PIP5KL1: variants seen among roughly 807,000 people sequenced by gnomAD.
PIP5KL1 encodes the protein phosphatidylinositol-4-phosphate 5-kinase like 1, also known as phosphatidylinositol 4-phosphate 5-kinase-like protein 1.
Under a neutral mutation model 47.6 loss-of-function variants are expected in PIP5KL1, and 45 were observed. The ratio of observed to expected loss-of-function variants is 0.94; its 90% CI spans 0.74 to 1.21. The LOEUF (loss-of-function observed/expected upper bound fraction) is 1.21. Among genes scored for constraint, PIP5KL1 ranks in the 50% most tolerant of loss-of-function variants. The pLI is 0.00. For synonymous variants in PIP5KL1, 256 were observed against 234.6 expected (o/e 1.09, Z -0.84); for missense variants, 577 against 547.6 (o/e 1.05, Z -0.54).
chr9:127,926,785 T>C (rs1831368193), intron 7 of PIP5KL1, among the ~76,000 whole-genome samples: 1 of 152,098 alleles, frequency 6.6e-6, no homozygotes, highest in South Asian at 2.1e-4. Flanking sequence ...AACCTGTGGG[T>C]AGAGTCAGCG....
At position 127,929,030 on chromosome 9, in the gene PIP5KL1, G is replaced by A. The variant is rs1683709356; in HGVS notation, c.229-547C>T. On this transcript the variant is annotated intron_variant, in intron 2 of 9. Transcript: ENST00000388747. This position sits in a 1 kb window ranked among gnomAD's most constrained non-coding sequence, Gnocchi z 4.0. ...TGAGGGAGGGATGGAGTGTGAACAA[G>A]GCTGGATGCAGCTGGATCTGGAGGT... Among the ~76,000 whole-genome samples, 2 of 152,250 alleles carry A rather than the reference G, an allele frequency of 1.3e-5. No individual in the cohort carries two copies. Among genetic ancestry groups the A allele is most frequent in the Admixed American group, 1.3e-4 (2 of 15,292 alleles).
chr9:127,928,255 C>T (rs537071828), intron 3 of PIP5KL1, 36 bp from the exon 4 acceptor site: 4 of 1,527,276 alleles, frequency 2.6e-6, no homozygotes, highest in Non-Finnish European at 3.5e-6. Flanking sequence ...GGAGTGTCTG[C>T]GTGGGCCCGG....
chr9:127,924,931 C>T (rs967044718), intron 9 of PIP5KL1, among the ~76,000 whole-genome samples, 176 bp downstream of exon 9: 1 of 151,904 alleles, frequency 6.6e-6, no homozygotes, highest in African/African-American at 2.4e-5. Flanking sequence ...CACACGCATG[C>T]ATGCACTCAC....
chr9:127,928,264 G>C (rs777112748), intron 3 of PIP5KL1, 45 bp from the exon 4 acceptor site: 14 of 1,529,466 alleles, frequency 9.2e-6, no homozygotes, highest in South Asian at 8.5e-5. Context: ...GCGTGGGCCC[G>C]GGTGTGTGCA....
intron 9 of PIP5KL1, 59 bp downstream of exon 9, chr9:127,925,048 T>G: frequency 6.3e-7 from 1 of 1,590,168 alleles, no homozygotes; most frequent in Non-Finnish European, 8.6e-7. Context: ...TGCCCCCATG[T>G]CTGTCTTTCC....
rs1213891916 is a variant in PIP5KL1 at position 127,927,444 on chromosome 9, G to A, written c.560-113C>T. The A allele has an allele frequency of 2.5e-5, 38 of 1,500,952 alleles. No homozygotes were observed. Among genetic ancestry groups the A allele is most frequent in the Non-Finnish European group, 3.4e-5 (38 of 1,126,776 alleles). The allele number at this position is 1,500,952 out of a possible 1,614,324, so 93.0% of individuals were successfully genotyped here. A position where few individuals can be genotyped will look rare whatever the true frequency, so the allele number is the denominator to read the frequency against. On this transcript the variant is annotated intron_variant, in intron 5 of 9. Transcript: ENST00000388747. The surrounding 1 kb of genome is among the most constrained non-coding windows in gnomAD (Gnocchi z 5.5). Reference sequence around the variant, plus strand: ...TCCTTCTCAAGATCCGCGGCACCTGGACCCTTCCTTGGCTGGTCCGGATCC... The same window carrying A: ...TCCTTCTCAAGATCCGCGGCACCTGAACCCTTCCTTGGCTGGTCCGGATCC...
Position 127,929,980 on chromosome 9 carries a change from C to T in PIP5KL1, c.31-95G>A, listed in dbSNP as rs1266057553. 2.7e-6 allele frequency: 3 copies of T among 1,122,542 alleles called. No individual in the cohort carries two copies. The highest frequency in any genetic ancestry group is 3.7e-6 in the Non-Finnish European group (3 of 815,666). 69.5% of individuals were successfully genotyped at this position (1,122,542 alleles called of 1,614,324 possible). ...CACTTCCACTACTTGTGAGACTTCC[C>T]CTCATCTCTCTCTGCCTCAATTTCT... On this transcript the variant is annotated intron_variant, in intron 1 of 9. Coordinates refer to ENST00000388747, the MANE Select transcript of PIP5KL1 (RefSeq NM_001135219.2). This position sits in a 1 kb window ranked among gnomAD's most constrained non-coding sequence, Gnocchi z 4.0.
intron 9 of PIP5KL1, among the ~76,000 whole-genome samples, chr9:127,924,831 C>A (rs901215461): frequency 6.6e-6 from 1 of 152,052 alleles, no homozygotes; most frequent in Non-Finnish European, 1.5e-5. Context: ...TCCACCTGTG[C>A]CCCTCCTGCC....
At chr9:127,930,460 G>A (rs1831419886) in intron 1 of PIP5KL1, among the ~76,000 whole-genome samples, 1 of 152,224 alleles carries the variant, frequency 6.6e-6, no homozygotes, top group South Asian at 2.1e-4. Flanking sequence ...ATGAGAGCTT[G>A]ACCTCCTAAC....
Position 127,927,333 on chromosome 9 carries a change from T to C in PIP5KL1, c.560-2A>G. On this transcript the variant is annotated splice_acceptor_variant, in intron 5 of 9. Coordinates refer to ENST00000388747, the MANE Select transcript of PIP5KL1 (RefSeq NM_001135219.2). LOFTEE classifies it high-confidence loss of function. The surrounding 1 kb of genome is among the most constrained non-coding windows in gnomAD (Gnocchi z 5.5). ...GGTCCACCCGCAGACTGTGCACTCC[T>C]GGAAGGGGAGAGGGCGCCGGATGAG... 1.2e-6 allele frequency: 2 copies of C among 1,607,922 alleles called. No individual in the cohort carries two copies. The highest frequency in any genetic ancestry group is 1.7e-6 in the Non-Finnish European group (2 of 1,178,412).
Position 127,927,814 on chromosome 9 carries a change from G to T in PIP5KL1, c.435-42C>A. 1.3e-6 allele frequency: 2 copies of T among 1,537,138 alleles called. No homozygotes were observed. Among genetic ancestry groups the T allele is most frequent in the Non-Finnish European group, 1.7e-6 (2 of 1,144,720 alleles). On this transcript the variant is annotated intron_variant, in intron 4 of 9. Coordinates refer to ENST00000388747, the MANE Select transcript of PIP5KL1 (RefSeq NM_001135219.2). The surrounding 1 kb of genome is among the most constrained non-coding windows in gnomAD (Gnocchi z 5.5). ...AGAGGTCACTGCCCAGGCCTGGCTG[G>T]AGCGGCTCCCACCCGGCCCCCTTCC...
At chr9:127,923,489 C>T (rs564462222) in intron 9 of PIP5KL1, among the ~76,000 whole-genome samples, 2 of 152,350 alleles carry the variant, frequency 1.3e-5, no homozygotes, top group Non-Finnish European at 2.9e-5. Context: ...TGAATGACAG[C>T]GGTGGCCTAA....
At position 127,921,529 on chromosome 9, in the gene PIP5KL1, T is replaced by G; in HGVS notation, c.*318A>C. 1 of 277,876 alleles carries G rather than the reference T, an allele frequency of 3.6e-6. No homozygotes were observed. Among genetic ancestry groups the G allele is most frequent in the Non-Finnish European group, 6.9e-6 (1 of 145,864 alleles). The allele number at this position is 277,876 out of a possible 1,614,324, so 17.2% of individuals were successfully genotyped here. A position where few individuals can be genotyped will look rare whatever the true frequency, so the allele number is the denominator to read the frequency against. On this transcript the variant is annotated 3_prime_UTR_variant, in exon 10 of 10. Coordinates refer to ENST00000388747, the MANE Select transcript of PIP5KL1 (RefSeq NM_001135219.2). Reference sequence around the variant, plus strand: ...AGGCTCCGGAATCCAAAAGCCATGGTTGAGTCCTGGTTCCAGCATTTATTG... The same window carrying G: ...AGGCTCCGGAATCCAAAAGCCATGGGTGAGTCCTGGTTCCAGCATTTATTG...
At chr9:127,930,664 G>C in intron 1 of PIP5KL1, 59 bp downstream of exon 1, 1 of 1,477,344 alleles carries the variant, frequency 6.8e-7, no homozygotes, top group Non-Finnish European at 9.0e-7. Flanking sequence ...GCCGAGGGGA[G>C]GCCCGGCCCC....
rs750922877 is a variant in PIP5KL1, at chr9:127,928,478, C to T, written c.234G>A (p.Pro78=). Residue 78 remains proline (P), a synonymous_variant, in exon 3 of 10, where the codon CCG becomes CCA. Transcript: ENST00000388747. ...QVSMDHPPTG[P]PSRDDFSEVL... is the part of the protein sequence containing the mutation. ...CCTCCGAGAAATCGTCCCGGGAGGGCGGCCCCTGCAGGGAGAGGTAGAGGA... is the reference window on the plus strand; with the variant it reads ...CCTCCGAGAAATCGTCCCGGGAGGGTGGCCCCTGCAGGGAGAGGTAGAGGA... 1.4e-5 allele frequency: 23 copies of T among 1,592,990 alleles called. No homozygotes were observed. Among genetic ancestry groups the T allele is most frequent in the East Asian group, 4.5e-5 (2 of 44,344 alleles).
In PIP5KL1 at chr9:127,927,440, C is replaced by A. The variant is rs1408757312; in HGVS notation, c.560-109G>T. ...CGCCTCCTTCTCAAGATCCGCGGCA[C>A]CTGGACCCTTCCTTGGCTGGTCCGG... On this transcript the variant is annotated intron_variant, in intron 5 of 9. Coordinates refer to ENST00000388747, the MANE Select transcript of PIP5KL1 (RefSeq NM_001135219.2). This position sits in a 1 kb window ranked among gnomAD's most constrained non-coding sequence, Gnocchi z 5.5. 7.6e-5 allele frequency: 114 copies of A among 1,504,266 alleles called. No homozygotes were observed. Among genetic ancestry groups the A allele is most frequent in the Non-Finnish European group, 9.7e-5 (110 of 1,128,414 alleles). The allele number at this position is 1,504,266 out of a possible 1,614,324, so 93.2% of individuals were successfully genotyped here.
Position 127,928,418 on chromosome 9 carries a change from G to A in PIP5KL1, c.279+15C>T, listed in dbSNP as rs2131640944. Reference sequence around the variant, plus strand: ...CAGCACACGTCCCTCCCACACGGGAGTCTGGGCCTCCTACCTCGTGAACCT... The same window carrying A: ...CAGCACACGTCCCTCCCACACGGGAATCTGGGCCTCCTACCTCGTGAACCT... On this transcript the variant is annotated intron_variant, in intron 3 of 9. Transcript: ENST00000388747. The A allele has an allele frequency of 6.3e-7, 1 of 1,595,512 alleles. No homozygotes were observed. The highest frequency in any genetic ancestry group is 2.3e-5 in the East Asian group (1 of 44,252).
chr9:127,921,856 G>A lies in PIP5KL1; in HGVS notation c.1176C>T (p.His392=). The change falls in exon 10 of 10, where the codon CAC becomes CAT. Residue 392 remains histidine (H), a synonymous_variant. Transcript: ENST00000388747. ...ARRLCQWVEA[H]TE ...TGGGGCCGGGCGCCCGTCACTCCGT[G>A]TGCGCCTCCACCCACTGGCAGAGGC... is the stretch of plus-strand genomic sequence containing the variant. 6.4e-7 allele frequency: 1 copy of A among 1,573,744 alleles called. No homozygotes were observed. Among genetic ancestry groups the A allele is most frequent in the East Asian group, 2.3e-5 (1 of 43,076 alleles).
chr9:127,928,504 G>C (rs557377125), intron 2 of PIP5KL1, 21 bp from the exon 3 acceptor site: 208 of 1,573,190 alleles, frequency 1.3e-4, no homozygotes, highest in Non-Finnish European at 1.7e-4. Flanking sequence ...AGGTAGAGGA[G>C]CTCAGGGCAA....
Sources: gnomAD v4.1 joint callset for allele counts (sites outside exome capture counted in the v4.1 genomes callset) on GRCh38, gnomAD v4.1.1 for gene constraint, Gnocchi (gnomAD v3.1) non-coding constraint, MANE v1.5 for transcripts, NCBI Gene and HGNC (gene_info 2026-07-23, HGNC 2026-07-21) for gene names.